The following VRK1 variants were observed in gnomAD, a reference collection of about 807,000 sequenced individuals.
VRK1 encodes VRK serine/threonine kinase 1.
In VRK1, 33 loss-of-function variants were observed where a neutral mutation model predicts 57.1. That is an observed-to-expected ratio of 0.58 (90% confidence interval 0.44 to 0.77). The LOEUF (loss-of-function observed/expected upper bound fraction) is 0.77, where lower values mean the gene tolerates loss of function less well. Ranked by LOEUF, VRK1 falls within the 30% of genes least tolerant of loss-of-function variation. The probability of loss-of-function intolerance (pLI) is 0.00; values close to 1 mark genes in which losing one functional copy is unlikely to be tolerated. For synonymous variants in VRK1, 137 were observed against 147.8 expected (o/e 0.93, Z 0.53); for missense variants, 413 against 477.3 (o/e 0.87, Z 1.25).
chr14:96,877,520 GAGCAATACATCGA>G, intron 12 of VRK1: 1 of 1,289,436 alleles, frequency 7.8e-7, no homozygotes. Context: ...GAGTCCCAAG[GAGCAATACATCGA>G]AGCATGTCTC....
At chr14:96,797,623 C>T (rs1368107464) in intron 1 of VRK1, among the ~76,000 whole-genome samples, 176 bp downstream of exon 1, 1 of 152,058 alleles carries the variant, frequency 6.6e-6, no homozygotes. Flanking sequence ...CGCCGCGTGG[C>T]TTCCGCCTGC....
At chr14:96,876,776 C>CAAAAAAAAA (rs5810784) in intron 12 of VRK1, among the ~76,000 whole-genome samples, 2 of 126,736 alleles carry the variant, frequency 1.6e-5, no homozygotes, top group Non-Finnish European at 3.3e-5. Flanking sequence ...GTTCTTGAAG[C>CAAAAAAAAA]AAAAAAAAAA....
intron 10 of VRK1, among the ~76,000 whole-genome samples, chr14:96,856,840 C>T (rs570563176): frequency 5.9e-5 from 9 of 152,196 alleles, no homozygotes; most frequent in East Asian, 5.8e-4. Flanking sequence ...TGGTGACGCA[C>T]GCCTGTGGTC....
rs1317603959 is a variant in VRK1, at chr14:96,855,172, A to G, written c.577-52A>G. On this transcript the variant is annotated intron_variant, in intron 7 of 12. Transcript: ENST00000216639. ...TTTTGTTTCTGTGCTTTAAAGGGTTATATGTGCAGTGATTTTGACTTTAGT... is the reference window on the plus strand; with the variant it reads ...TTTTGTTTCTGTGCTTTAAAGGGTTGTATGTGCAGTGATTTTGACTTTAGT... 3.1e-6 allele frequency: 5 copies of G among 1,613,266 alleles called. No individual in the cohort carries two copies. In the Admixed American group the frequency reaches 6.7e-5, roughly 22 times the overall value.
intron 1 of VRK1, among the ~76,000 whole-genome samples, chr14:96,828,793 C>G (rs1253956549): frequency 1.3e-5 from 2 of 151,878 alleles, no homozygotes; most frequent in Non-Finnish European, 2.9e-5. Flanking sequence ...AAGTATTGAA[C>G]AAGTATTTAT....
At chr14:96,804,093 A>G (rs1054402276) in intron 1 of VRK1, among the ~76,000 whole-genome samples, 4 of 152,010 alleles carry the variant, frequency 2.6e-5, no homozygotes, top group African/African-American at 9.7e-5. Context: ...TCTCTGCCTA[A>G]CTCTAGGTCA....
chr14:96,815,864 G>A (rs895192383), intron 1 of VRK1, among the ~76,000 whole-genome samples: 1 of 151,906 alleles, frequency 6.6e-6, no homozygotes, highest in Admixed American at 6.6e-5. Flanking sequence ...CACTCAGCCT[G>A]GGTGACAGGG....
chr14:96,854,743 C>T (rs1307027865), intron 7 of VRK1, among the ~76,000 whole-genome samples: 2 of 152,002 alleles, frequency 1.3e-5, no homozygotes, highest in South Asian at 2.1e-4. Flanking sequence ...GATTATTTTA[C>T]AAGTGAAGAA....
intron 9 of VRK1, 79 bp downstream of exon 9, chr14:96,856,329 A>G (rs1021457124): frequency 2.6e-6 from 4 of 1,544,608 alleles, no homozygotes; most frequent in East Asian, 2.3e-5. Flanking sequence ...GATAGGAACT[A>G]TAGTTTCAAC....
intron 5 of VRK1, among the ~76,000 whole-genome samples, chr14:96,852,584 T>C (rs1474960380): frequency 7.2e-5 from 11 of 152,212 alleles, no homozygotes; most frequent in Non-Finnish European, 1.2e-4. Context: ...TTATCTTAAA[T>C]TGAATAGTCT....
chr14:96,806,869 C>G (rs1225276952), intron 1 of VRK1, among the ~76,000 whole-genome samples: 1 of 145,654 alleles, frequency 6.9e-6, no homozygotes, highest in African/African-American at 2.5e-5. Flanking sequence ...CTCTGTCAAC[C>G]AGGCTGGAGT....
At position 96,833,494 on chromosome 14, in the gene VRK1, A is replaced by G. The variant is rs1318994618; in HGVS notation, c.23A>G (p.Gln8Arg). 1.2e-6 allele frequency: 2 copies of G among 1,613,742 alleles called. No homozygotes were observed. Among genetic ancestry groups the G allele is most frequent in the Admixed American group, 1.7e-5 (1 of 59,996 alleles). MPRVKAA[Q>R]AGRQSSAKRH... ...AAAATGCCTCGTGTAAAAGCAGCTCAAGCTGGAAGACAGAGCTCTGCAAAG... is the reference window on the plus strand; with the variant it reads ...AAAATGCCTCGTGTAAAAGCAGCTCGAGCTGGAAGACAGAGCTCTGCAAAG... Residue 8 changes from glutamine to arginine, a missense_variant, in exon 2 of 13, where the codon CAA (glutamine) becomes CGA (arginine). Transcript: ENST00000216639.
intron 11 of VRK1, among the ~76,000 whole-genome samples, chr14:96,863,146 C>T (rs1024528666): frequency 1.8e-4 from 27 of 152,234 alleles, no homozygotes; most frequent in African/African-American, 4.8e-4. Flanking sequence ...TTATTTAAAG[C>T]ATAGAATTTT....
intron 5 of VRK1, 68 bp downstream of exon 5, chr14:96,847,412 A>G: frequency 1.5e-6 from 2 of 1,319,414 alleles, no homozygotes; most frequent in Non-Finnish European, 2.2e-6. Context: ...TGGTTTAGTC[A>G]GTAATTATTT....
At chr14:96,843,354 T>TGTG (rs1244758235) in intron 3 of VRK1, among the ~76,000 whole-genome samples, 4 of 152,244 alleles carry the variant, frequency 2.6e-5, no homozygotes, top group Non-Finnish European at 5.9e-5. Flanking sequence ...GTCATTGTAC[T>TGTG]GTGGTCCTTT....
intron 1 of VRK1, among the ~76,000 whole-genome samples, chr14:96,799,484 G>A (rs1451397476): frequency 6.6e-6 from 1 of 151,934 alleles, no homozygotes; most frequent in East Asian, 1.9e-4. Context: ...CTATGATTAG[G>A]ATTATGATTT....
chr14:96,856,893 G>A (rs144137355), intron 10 of VRK1, among the ~76,000 whole-genome samples: 1,547 of 152,192 alleles, frequency 0.01, 19 homozygotes, highest in African/African-American at 0.03. Flanking sequence ...GCTTGAACCC[G>A]GGAGGCGGAG....
intron 1 of VRK1, among the ~76,000 whole-genome samples, chr14:96,830,855 T>A (rs1198574256): frequency 6.6e-6 from 1 of 152,248 alleles, no homozygotes; most frequent in African/African-American, 2.4e-5. Flanking sequence ...AGATCCACTT[T>A]CATTTGAACT....
At chr14:96,835,640 C>G (rs2139753549) in intron 2 of VRK1, among the ~76,000 whole-genome samples, 1 of 152,288 alleles carries the variant, frequency 6.6e-6, no homozygotes, top group Non-Finnish European at 1.5e-5. Flanking sequence ...TCTCCTGATC[C>G]TGTCATGAGG....
Sources: gnomAD v4.1 joint callset for allele counts (sites outside exome capture counted in the v4.1 genomes callset) on GRCh38, gnomAD v4.1.1 for gene constraint, MANE v1.5 for transcripts, NCBI Gene and HGNC (gene_info 2026-07-23, HGNC 2026-07-21) for gene names.